Variants in LAMP5 observed in about 807,000 individuals in gnomAD.
LAMP5 encodes lysosome associated membrane protein 5.
Under a neutral mutation model 30.2 loss-of-function variants are expected in LAMP5, and 36 were observed. The ratio of observed to expected loss-of-function variants is 1.19; its 90% CI spans 0.91 to 1.57. The LOEUF is 1.57. Among genes scored for constraint, LAMP5 ranks in the 40% most tolerant of loss-of-function variants. The pLI is 0.00. For missense variants in LAMP5, 377 were observed against 354.9 expected (o/e 1.06, Z -0.50); for synonymous variants, 149 against 134.6 (o/e 1.11, Z -0.74).
rs1555891932 is a variant in LAMP5, at chr20:9,526,901, T to TACAC, written c.665-2735_665-2732dup. Among the ~76,000 whole-genome samples the TACAC allele has an allele frequency of 3.7e-3, 426 of 114,334 alleles. 7 individuals carry two copies. Among genetic ancestry groups the TACAC allele is most frequent in the African/African-American group, 0.014 (405 of 29,648 alleles). The allele number at this position is 114,334 out of a possible 152,430, so 75.0% of individuals were successfully genotyped here. A position where few individuals can be genotyped will look rare whatever the true frequency, so the allele number is the denominator to read the frequency against. On this transcript the variant is annotated intron_variant, in intron 5 of 5. Coordinates refer to ENST00000246070, the MANE Select transcript of LAMP5 (RefSeq NM_012261.4). ...ATATATATATATATATATATATATA[T>TACAC]ACACACACATACAAAACAGTTGTAT...
Position 9,514,777 on chromosome 20 carries a change from A to G in LAMP5, c.-76A>G, listed in dbSNP as rs911053178. ...CCTCTCGCTCACCCCGGCCCACTCC[A>G]GCGGCGACTTTGAGGGATTCCCTCT... On this transcript the variant is annotated 5_prime_UTR_variant, in exon 1 of 6. Transcript: ENST00000246070. 1 of 1,370,312 alleles carries G rather than the reference A, an allele frequency of 7.3e-7. No individual in the cohort carries two copies. The highest frequency in any genetic ancestry group is 1.0e-6 in the Non-Finnish European group (1 of 970,476). 84.9% of individuals were successfully genotyped at this position (1,370,312 alleles called of 1,614,324 possible). A position where few individuals can be genotyped will look rare whatever the true frequency, so the allele number is the denominator to read the frequency against.
At chr20:9,516,405 G>A (rs748322971) in intron 4 of LAMP5, 44 bp downstream of exon 4, 7 of 1,476,430 alleles carry the variant, frequency 4.7e-6, no homozygotes, top group Non-Finnish European at 2.8e-6. Context: ...CTGGGAACTC[G>A]CAGAACAGGC....
rs556847964 is a variant in LAMP5, at chr20:9,526,667, G to T, written c.665-2975G>T. Among the ~76,000 whole-genome samples the T allele has an allele frequency of 7.9e-5, 12 of 152,108 alleles. No individual in the cohort carries two copies. The East Asian group carries it at 1.2e-3, about 15-fold the overall frequency. Reference sequence around the variant, plus strand: ...TTAGAATGGAATCAAATAGTGGGGGGAAAAGTTTCCTGAAAATTCTTTTTC... The same window carrying T: ...TTAGAATGGAATCAAATAGTGGGGGTAAAAGTTTCCTGAAAATTCTTTTTC... On this transcript the variant is annotated intron_variant, in intron 5 of 5. Transcript: ENST00000246070.
chr20:9,516,897 G>C (rs1261752490), intron 4 of LAMP5, among the ~76,000 whole-genome samples: 1 of 152,092 alleles, frequency 6.6e-6, no homozygotes, highest in African/African-American at 2.4e-5. Flanking sequence ...TAATTTACTA[G>C]CGTTTCTGGC....
intron 5 of LAMP5, among the ~76,000 whole-genome samples, chr20:9,528,270 G>C (rs904028922): frequency 2.6e-5 from 4 of 151,776 alleles, no homozygotes; most frequent in African/African-American, 4.9e-5. Flanking sequence ...GAGAGGTAGA[G>C]AGATACCAGA....
chr20:9,515,608 G>A lies in LAMP5; in HGVS notation c.220G>A (p.Ala74Thr). The A allele has an allele frequency of 1.2e-6, 2 of 1,613,866 alleles. No homozygotes were observed. Among genetic ancestry groups the A allele is most frequent in the South Asian group, 1.1e-5 (1 of 91,066 alleles). ...ATTTATTGTACCTTATGATGTGTGG[G>A]CCAGCAACTACGTAGATGTAAGGAA... ...AKFIVPYDVWASNYVDLITEQ... is the reference protein window; with the variant it reads ...AKFIVPYDVWTSNYVDLITEQ... The change falls in exon 2 of 6, where the codon GCC (alanine) becomes ACC (threonine). Residue 74 changes from alanine to threonine, a missense_variant. Coordinates refer to ENST00000246070, the MANE Select transcript of LAMP5 (RefSeq NM_012261.4).
intron 2 of LAMP5, 29 bp downstream of exon 2, chr20:9,515,654 G>C: frequency 6.2e-7 from 1 of 1,607,476 alleles, no homozygotes; most frequent in Admixed American, 1.7e-5. Flanking sequence ...CCCTCAGCTT[G>C]CTCCTAGGGC....
At chr20:9,518,739 T>C (rs1467051731) in intron 5 of LAMP5, among the ~76,000 whole-genome samples, 16 of 152,276 alleles carry the variant, frequency 1.1e-4, no homozygotes, top group Admixed American at 1.0e-3. Context: ...GGCCCGTTTC[T>C]TCTTGTTCTC....
chr20:9,515,855 T>A, intron 2 of LAMP5, 145 bp from the exon 3 acceptor site: 1 of 1,032,850 alleles, frequency 9.7e-7, no homozygotes, highest in Non-Finnish European at 1.4e-6. Context: ...ACGTAGAGCA[T>A]CTAACCGCAT....
At chr20:9,515,745 C>A (rs2045032297) in intron 2 of LAMP5, 120 bp downstream of exon 2, 3 of 1,136,380 alleles carry the variant, frequency 2.6e-6, no homozygotes, top group Non-Finnish European at 2.5e-6. Context: ...CGGCAGGCTG[C>A]TCCCGAATGC....
rs776583631 is a variant in LAMP5, at chr20:9,518,059, C to T, written c.495C>T (p.Asn165=). The T allele has an allele frequency of 2.9e-5, 46 of 1,613,738 alleles. No homozygotes were observed. In the South Asian group the frequency reaches 4.7e-4, roughly 17 times the overall value. The part of the protein sequence containing the change: ...DAVSAGKHTA[N]SHHLSALVTP... Reference sequence around the variant, plus strand: ...CTGTAGCTGGGAAGCACACAGCCAACTCGCACCACCTCTCTGCCTTGGTCA... The same window carrying T: ...CTGTAGCTGGGAAGCACACAGCCAATTCGCACCACCTCTCTGCCTTGGTCA... Residue 165 remains asparagine (N), a synonymous_variant, in exon 5 of 6, where the codon AAC becomes AAT. Coordinates refer to ENST00000246070, the MANE Select transcript of LAMP5 (RefSeq NM_012261.4).
At chr20:9,526,945 A>G (rs1278509468) in intron 5 of LAMP5, among the ~76,000 whole-genome samples, 1 of 147,064 alleles carries the variant, frequency 6.8e-6, no homozygotes, top group African/African-American at 2.5e-5. Context: ...AATTGTATGC[A>G]TTTAAGCATG....
At chr20:9,524,626 A>G (rs1381697753) in intron 5 of LAMP5, among the ~76,000 whole-genome samples, 1 of 151,636 alleles carries the variant, frequency 6.6e-6, no homozygotes, top group Non-Finnish European at 1.5e-5. Flanking sequence ...ACAAACAAAA[A>G]AAACCTTGGT....
rs60017722 is a variant in LAMP5, at chr20:9,522,972, C to CTTTTTTTTTTT, written c.664+4756_664+4766dup. 1.1e-4 allele frequency among the ~76,000 whole-genome samples: 11 copies of CTTTTTTTTTTT among 104,164 alleles called. 1 individual carries two copies. Among genetic ancestry groups the CTTTTTTTTTTT allele is most frequent in the South Asian group, 3.4e-4 (1 of 2,932 alleles). 68.3% of individuals were successfully genotyped at this position (104,164 alleles called of 152,430 possible). A position where few individuals can be genotyped will look rare whatever the true frequency, so the allele number is the denominator to read the frequency against. The stretch of plus-strand genomic sequence containing the variant: ...TTTTTTTCTTCTCTAATACTTAAAT[C>CTTTTTTTTTTT]TTTTTTTTTTTTTTTTTTTTTTGAG... On this transcript the variant is annotated intron_variant, in intron 5 of 5. Transcript: ENST00000246070.
At chr20:9,521,680 G>T (rs1440498524) in intron 5 of LAMP5, among the ~76,000 whole-genome samples, 3 of 152,114 alleles carry the variant, frequency 2.0e-5, no homozygotes, top group Admixed American at 6.5e-5. Flanking sequence ...ATTTCTGAGG[G>T]CCTCATTCAA....
intron 5 of LAMP5, among the ~76,000 whole-genome samples, chr20:9,521,767 C>A (rs2045081065): frequency 6.6e-6 from 1 of 152,176 alleles, no homozygotes; most frequent in South Asian, 2.1e-4. Flanking sequence ...TGGGAGGGAA[C>A]AAACCAGTCT....
chr20:9,528,573 A>G (rs112457992), intron 5 of LAMP5, among the ~76,000 whole-genome samples: 2 of 152,180 alleles, frequency 1.3e-5, no homozygotes, highest in Admixed American at 1.3e-4. Flanking sequence ...GTGTATGCGC[A>G]TAACAAAATA....
At position 9,515,048 on chromosome 20, in the gene LAMP5, C is replaced by A. The variant is rs1349531176; in HGVS notation, c.64+132C>A. On this transcript the variant is annotated intron_variant, in intron 1 of 5. Coordinates refer to ENST00000246070, the MANE Select transcript of LAMP5 (RefSeq NM_012261.4). ...GTTTTGCGGTGTTTTTTCTTTTTTTCTTTTAGGGGAGGAGGGAGGGCCTTC... is the reference window on the plus strand; with the variant it reads ...GTTTTGCGGTGTTTTTTCTTTTTTTATTTTAGGGGAGGAGGGAGGGCCTTC... 7 of 850,826 alleles carry A rather than the reference C, an allele frequency of 8.2e-6. 1 individual carries two copies. In the East Asian group the frequency reaches 1.9e-4, roughly 23 times the overall value. 52.7% of individuals were successfully genotyped at this position (850,826 alleles called of 1,614,324 possible).
chr20:9,524,827 C>A (rs2045102731), intron 5 of LAMP5, among the ~76,000 whole-genome samples: 1 of 152,116 alleles, frequency 6.6e-6, no homozygotes, highest in East Asian at 1.9e-4. Context: ...CTACAAGCAG[C>A]CTCACATTAG....
Sources: allele counts gnomAD v4.1 joint callset (sites outside exome capture counted in the v4.1 genomes callset), GRCh38; gene constraint gnomAD v4.1.1; transcripts MANE v1.5; gene names NCBI Gene and HGNC (gene_info 2026-07-23, HGNC 2026-07-21).